The following CCNI variants were observed in gnomAD, a reference collection of about 807,000 sequenced individuals.
CCNI encodes cyclin I, also known as cyclin-I.
Under a neutral mutation model 34.1 loss-of-function variants are expected in CCNI, and 14 were observed. The observed-to-expected ratio is 0.41, with a 90% CI of 0.27 to 0.64. The LOEUF (loss-of-function observed/expected upper bound fraction) is 0.64. CCNI is among the 30% of genes least tolerant of loss of function. CCNI has a pLI of 0.31. For synonymous variants in CCNI, 154 were observed against 158.4 expected, an observed-to-expected ratio of 0.97 and a Z score of 0.21; for missense variants, 385 against 440.5, an observed-to-expected ratio of 0.87 and a Z score of 1.13.
chr4:77,062,534 T>C (rs1426026268), intron 2 of CCNI, among the ~76,000 whole-genome samples: 1 of 151,450 alleles, frequency 6.6e-6, no homozygotes, highest in Non-Finnish European at 1.5e-5. Context: ...CACCCCAGCC[T>C]GGGCAACAGA....
rs548009590 is a variant in CCNI at position 77,047,971 on chromosome 4, G to T, written c.*248C>A. ...AAGTGCAACTGACATACTACAAAGA[G>T]ATTTTTTAAGTTTAAAAAAAGTTTG... On this transcript the variant is annotated 3_prime_UTR_variant, in exon 7 of 7. Coordinates refer to ENST00000237654, the MANE Select transcript of CCNI (RefSeq NM_006835.3). 6 of 352,088 alleles carry T rather than the reference G, an allele frequency of 1.7e-5. No homozygotes were observed. The highest frequency in any genetic ancestry group is 3.1e-5 in the Non-Finnish European group (6 of 194,684). The allele number at this position is 352,088 out of a possible 1,614,324, so 21.8% of individuals were successfully genotyped here.
At chr4:77,048,739 A>G (rs1298464452) in intron 6 of CCNI, 77 bp from the exon 7 acceptor site, 2 of 1,121,914 alleles carry the variant, frequency 1.8e-6, no homozygotes, top group African/African-American at 1.6e-5. Context: ...TCTGGTGGCC[A>G]TTTTTCCTCC....
At chr4:77,053,595 A>G (rs1172251762) in intron 6 of CCNI, among the ~76,000 whole-genome samples, 2 of 152,212 alleles carry the variant, frequency 1.3e-5, no homozygotes, top group African/African-American at 4.8e-5. Flanking sequence ...TTATGCTTCA[A>G]AATCTGTCCT....
At chr4:77,051,635 A>G (rs887497907) in intron 6 of CCNI, among the ~76,000 whole-genome samples, 3 of 152,238 alleles carry the variant, frequency 2.0e-5, no homozygotes, top group Non-Finnish European at 4.4e-5. Context: ...AATTTGTTCT[A>G]TAAGACACCA....
At chr4:77,052,355 G>A (rs1560769990) in intron 6 of CCNI, among the ~76,000 whole-genome samples, 1 of 152,062 alleles carries the variant, frequency 6.6e-6, no homozygotes, top group African/African-American at 2.4e-5. Context: ...TTTGACTACT[G>A]CCCAGCTAGG....
Position 77,047,366 on chromosome 4 carries a change from C to T in CCNI, c.*853G>A, listed in dbSNP as rs1189690424. 1 of 152,120 alleles carries T rather than the reference C, an allele frequency of 6.6e-6. No individual in the cohort carries two copies. Among genetic ancestry groups the T allele is most frequent in the Non-Finnish European group, 1.5e-5 (1 of 68,012 alleles). 9.4% of individuals were successfully genotyped at this position (152,120 alleles called of 1,614,324 possible). The stretch of plus-strand genomic sequence containing the variant: ...AAATTCAGTTATAACATGTTACAGA[C>T]TTAAATCATAGAGCTGCCCCAACAT... On this transcript the variant is annotated 3_prime_UTR_variant, in exon 7 of 7. Coordinates refer to ENST00000237654, the MANE Select transcript of CCNI (RefSeq NM_006835.3).
Position 77,071,694 on chromosome 4 carries a change from A to T in CCNI, c.-44+3778T>A, listed in dbSNP as rs4252799. On this transcript the variant is annotated intron_variant, in intron 1 of 6. Coordinates refer to ENST00000237654, the MANE Select transcript of CCNI (RefSeq NM_006835.3). ...CTACCTACCTTACAGAAATAAAAAG[A>T]ATTATAAAGGAATTTATGAACAACT... Among the ~76,000 whole-genome samples, 595 of 152,302 alleles carry T rather than the reference A, an allele frequency of 3.9e-3. 3 individuals carry two copies. The highest frequency in any genetic ancestry group is 0.013 in the African/African-American group (558 of 41,566).
chr4:77,066,038 T>C (rs1578250818), intron 2 of CCNI: 3 of 452,192 alleles, frequency 6.6e-6, no homozygotes, highest in Non-Finnish European at 1.2e-5. Context: ...GAGGCAGGGG[T>C]TGCAGTGAGC....
At chr4:77,072,280 C>A (rs1382609626) in intron 1 of CCNI, among the ~76,000 whole-genome samples, 1 of 151,560 alleles carries the variant, frequency 6.6e-6, no homozygotes. Context: ...AGAAAGCTAA[C>A]AAAGAAAAAG....
intron 6 of CCNI, among the ~76,000 whole-genome samples, chr4:77,054,082 T>C (rs568112445): frequency 6.6e-6 from 1 of 152,232 alleles, no homozygotes; most frequent in South Asian, 2.1e-4. Context: ...CTAAAATTCT[T>C]GGAAGCACTG....
At chr4:77,071,185 T>C (rs993743141) in intron 1 of CCNI, among the ~76,000 whole-genome samples, 3 of 152,226 alleles carry the variant, frequency 2.0e-5, no homozygotes, top group Admixed American at 6.5e-5. Flanking sequence ...ATTCCCGTTC[T>C]CCAATTGCCT....
intron 2 of CCNI, among the ~76,000 whole-genome samples, chr4:77,061,909 TCCACCCGCCTCGG>T (rs1376640040): frequency 6.6e-6 from 1 of 152,138 alleles, no homozygotes; most frequent in African/African-American, 2.4e-5. Context: ...GACCTTGTGA[TCCACCCGCCTCGG>T]CCTCCCAAAG....
chr4:77,074,944 C>T (rs1729784577), intron 1 of CCNI: 1 of 151,828 alleles, frequency 6.6e-6, no homozygotes, highest in Non-Finnish European at 1.5e-5. Flanking sequence ...CAAATCTCAC[C>T]TCCCCCGGAT....
chr4:77,060,226 TAC>T (rs1182119547), intron 2 of CCNI, among the ~76,000 whole-genome samples: 1 of 152,030 alleles, frequency 6.6e-6, no homozygotes, highest in African/African-American at 2.4e-5. Flanking sequence ...AAAAAGAGAA[TAC>T]AGTTATATGG....
chr4:77,067,333 A>G lies in CCNI; in HGVS notation c.-43-928T>C, dbSNP rs940522243. ...GTGGATACTATATCGGACAGTGCAC[A>G]AAAGGAACATTCCTATTAATACAGT... On this transcript the variant is annotated intron_variant, in intron 1 of 6. Transcript: ENST00000237654. 3.3e-5 allele frequency among the ~76,000 whole-genome samples: 5 copies of G among 152,208 alleles called. No homozygotes were observed. The East Asian group carries it at 9.6e-4, about 29-fold the overall frequency.
chr4:77,048,143 C>A lies in CCNI; in HGVS notation c.*76G>T. ...TGTTAAGGTATATTTCCTTCTACAG[C>A]CTTTCCTGATTTTGCATGTTCTCAT... On this transcript the variant is annotated 3_prime_UTR_variant, in exon 7 of 7. Transcript: ENST00000237654. 3.6e-6 allele frequency: 4 copies of A among 1,119,076 alleles called. No homozygotes were observed. The highest frequency in any genetic ancestry group is 5.2e-6 in the Non-Finnish European group (4 of 769,284). 69.3% of individuals were successfully genotyped at this position (1,119,076 alleles called of 1,614,324 possible).
chr4:77,049,857 CT>C (rs1328466903), intron 6 of CCNI, among the ~76,000 whole-genome samples: 1 of 152,090 alleles, frequency 6.6e-6, no homozygotes, highest in Non-Finnish European at 1.5e-5. Flanking sequence ...CATGGAAGGC[CT>C]TTAAATTATT....
At chr4:77,064,076 T>C (rs1286094106) in intron 2 of CCNI, among the ~76,000 whole-genome samples, 1 of 151,978 alleles carries the variant, frequency 6.6e-6, no homozygotes, top group Non-Finnish European at 1.5e-5. Context: ...ACCCTGTCCC[T>C]ACTAAAAATA....
intron 2 of CCNI, among the ~76,000 whole-genome samples, chr4:77,062,942 T>A (rs1728713708): frequency 6.6e-6 from 1 of 152,174 alleles, no homozygotes; most frequent in Non-Finnish European, 1.5e-5. Flanking sequence ...GAAATGATAA[T>A]CACCATTCAC....
Sources: allele counts gnomAD v4.1 joint callset (sites outside exome capture counted in the v4.1 genomes callset), GRCh38; gene constraint gnomAD v4.1.1; transcripts MANE v1.5; gene names NCBI Gene and HGNC (gene_info 2026-07-23, HGNC 2026-07-21).